The following HRG variants were observed in gnomAD, a reference collection of about 807,000 sequenced individuals.
The protein encoded by HRG is histidine rich glycoprotein, also known as histidine-rich glycoprotein.
A neutral mutation model predicts 29.5 loss-of-function variants in HRG; 26 were observed. The ratio of observed to expected loss-of-function variants is 0.88; its 90% CI spans 0.65 to 1.22. The LOEUF is 1.22. HRG is among the 50% of genes most tolerant of loss of function. The probability of loss-of-function intolerance (pLI) is 0.00; values close to 1 mark genes in which losing one functional copy is unlikely to be tolerated. For synonymous variants in HRG, 243 were observed against 240.4 expected, an observed-to-expected ratio of 1.01 and a Z score of -0.10; for missense variants, 671 against 654.5, an observed-to-expected ratio of 1.03 and a Z score of -0.28.
intron 5 of HRG, 103 bp from the exon 6 acceptor site, chr3:186,674,986 T>C (rs1718920884): frequency 1.3e-6 from 1 of 798,448 alleles, no homozygotes; most frequent in South Asian, 1.3e-5. Context: ...CCCTGATTTT[T>C]CTAAAGCACT....
intron 3 of HRG, among the ~76,000 whole-genome samples, chr3:186,670,728 G>A (rs552701238): frequency 1.3e-5 from 2 of 152,168 alleles, no homozygotes; most frequent in South Asian, 2.1e-4. Flanking sequence ...TGTATTTTTA[G>A]TAGAGATGGA....
At chr3:186,671,179 C>T (rs757732699) in intron 3 of HRG, among the ~76,000 whole-genome samples, 1 of 148,664 alleles carries the variant, frequency 6.7e-6, no homozygotes, top group Non-Finnish European at 1.5e-5. Context: ...TGTGACTCAA[C>T]CCCATCTCTA....
At position 186,677,408 on chromosome 3, in the gene HRG, C is replaced by A; in HGVS notation, c.1103C>A (p.Ala368Glu). 1 of 1,608,976 alleles carries A rather than the reference C, an allele frequency of 6.2e-7. No homozygotes were observed. The highest frequency in any genetic ancestry group is 8.5e-7 in the Non-Finnish European group (1 of 1,177,490). The change falls in exon 7 of 7, where the codon GCA (alanine) becomes GAA (glutamate). Residue 368 changes from alanine to glutamate, a missense_variant. Transcript: ENST00000232003. ...EQHPHGHHPHAHHPHEHDTHR... is the reference protein window; with the variant it reads ...EQHPHGHHPHEHHPHEHDTHR... ...CATCCCCACGGACACCATCCCCATG[C>A]ACACCATCCTCATGAACATGATACC...
chr3:186,673,618 C>G (rs1718878729), intron 5 of HRG: 1 of 152,422 alleles, frequency 6.6e-6, no homozygotes. Flanking sequence ...GCAGTTCGTA[C>G]TAAGACCCTA....
Position 186,677,794 on chromosome 3 carries a change from C to T in HRG, c.1489C>T (p.Pro497Ser), listed in dbSNP as rs1486916359. Residue 497 changes from proline (P) to serine (S), a missense_variant, in exon 7 of 7, where the codon CCT (proline) becomes TCT (serine). By Grantham distance (74) the Pro-to-Ser change is moderately conservative (BLOSUM62 -1). Coordinates refer to ENST00000232003, the MANE Select transcript of HRG (RefSeq NM_000412.5). Reference sequence around the variant, plus strand: ...TCTAAAGCCAGACAATCAGCCCTTTCCTCAATCAGTCTCTGAATCATGTCC... The same window carrying T: ...TCTAAAGCCAGACAATCAGCCCTTTTCTCAATCAGTCTCTGAATCATGTCC... ...HPLKPDNQPF[P>S]QSVSESCPGK... 3.1e-6 allele frequency: 5 copies of T among 1,614,048 alleles called. No homozygotes were observed. Among genetic ancestry groups the T allele is most frequent in the Admixed American group, 1.7e-5 (1 of 60,006 alleles).
At chr3:186,674,148 C>T (rs1253448443) in intron 5 of HRG, 1 of 152,178 alleles carries the variant, frequency 6.6e-6, no homozygotes, top group Admixed American at 6.5e-5. Context: ...AATGTCCACA[C>T]TGAACCAGGT....
chr3:186,678,187 T>C lies in HRG; in HGVS notation c.*304T>C. Reference sequence around the variant, plus strand: ...ACTCTAATTCTAGAGTCTCTGTTACTGCTTGGGCTATACCTGGGCATACTA... The same window carrying C: ...ACTCTAATTCTAGAGTCTCTGTTACCGCTTGGGCTATACCTGGGCATACTA... On this transcript the variant is annotated 3_prime_UTR_variant, in exon 7 of 7. Transcript: ENST00000232003. 1 of 383,028 alleles carries C rather than the reference T, an allele frequency of 2.6e-6. No homozygotes were observed. Among genetic ancestry groups the C allele is most frequent in the Non-Finnish European group, 4.9e-6 (1 of 205,520 alleles). 23.7% of individuals were successfully genotyped at this position (383,028 alleles called of 1,614,324 possible). A position where few individuals can be genotyped will look rare whatever the true frequency, so the allele number is the denominator to read the frequency against.
Position 186,672,843 on chromosome 3 carries a change from A to G in HRG, c.615A>G (p.Arg205=). The G allele has an allele frequency of 1.2e-6, 2 of 1,611,062 alleles. No homozygotes were observed. Among genetic ancestry groups the G allele is most frequent in the Non-Finnish European group, 1.7e-6 (2 of 1,177,284 alleles). The change falls in exon 5 of 7, where the codon AGA becomes AGG. Residue 205 remains arginine (R), a synonymous_variant. Transcript: ENST00000232003. ...ACTTCTCTGTGCGGAACTGCCCCAG[A>G]CACCATTTCCCCAGACACCCCAATG... The part of the protein sequence containing the change: ...FVDFSVRNCP[R]HHFPRHPNVF...
intron 1 of HRG, 101 bp downstream of exon 1, chr3:186,666,315 G>T: frequency 7.9e-7 from 1 of 1,269,992 alleles, no homozygotes; most frequent in Admixed American, 1.8e-5. Flanking sequence ...GAATGGCTTT[G>T]GTCAGAGTTT....
At chr3:186,672,949 G>GAGAGGAAGGAGAAGAAGGAGA (rs1718852898) in intron 5 of HRG, 82 bp downstream of exon 5, 1 of 905,418 alleles carries the variant, frequency 1.1e-6, no homozygotes, top group Non-Finnish European at 1.9e-6. Flanking sequence ...GAAGGAGAAG[G>GAGAGGAAGGAGAAGAAGGAGA]AGAGGAAGGA....
chr3:186,671,506 G>A (rs1384769033), intron 3 of HRG, 117 bp from the exon 4 acceptor site: 16 of 1,050,324 alleles, frequency 1.5e-5, no homozygotes, highest in Non-Finnish European at 2.2e-5. Context: ...CAGTTACTCA[G>A]CTCTTCCCAC....
rs766618968 is a variant in HRG at position 186,675,302 on chromosome 3, T to TGAGAGA, written c.741+113_741+114insAGAGAG. 5.3e-3 allele frequency: 3,026 copies of TGAGAGA among 567,328 alleles called. 1 individual carries two copies. Among genetic ancestry groups the TGAGAGA allele is most frequent in the Middle Eastern group, 0.011 (28 of 2,560 alleles). The allele number at this position is 567,328 out of a possible 1,614,324, so 35.1% of individuals were successfully genotyped here. A position where few individuals can be genotyped will look rare whatever the true frequency, so the allele number is the denominator to read the frequency against. ...ATGAGTGGGTGTGTGTGTGTGTGTG[T>TGAGAGA]GTGTGTGAGAGAGAGAGAGAGAGAG... On this transcript the variant is annotated intron_variant, in intron 6 of 6. Coordinates refer to ENST00000232003, the MANE Select transcript of HRG (RefSeq NM_000412.5).
At position 186,677,418 on chromosome 3, in the gene HRG, T is replaced by C; in HGVS notation, c.1113T>C (p.Pro371=). The stretch of plus-strand genomic sequence containing the variant: ...GACACCATCCCCATGCACACCATCC[T>C]CATGAACATGATACCCATAGACAGC... ...PHGHHPHAHH[P]HEHDTHRQHP... Residue 371 remains proline, a synonymous_variant, in exon 7 of 7, where the codon CCT becomes CCC. Transcript: ENST00000232003. 6.2e-7 allele frequency: 1 copy of C among 1,605,190 alleles called. No individual in the cohort carries two copies. The highest frequency in any genetic ancestry group is 1.3e-5 in the African/African-American group (1 of 74,596).
In HRG at chr3:186,672,623, G is replaced by T. The variant is rs184189660; in HGVS notation, c.559-164G>T. Among the ~76,000 whole-genome samples, 14 of 152,270 alleles carry T rather than the reference G, an allele frequency of 9.2e-5. No individual in the cohort carries two copies. The East Asian group carries it at 2.5e-3, about 27-fold the overall frequency. On this transcript the variant is annotated intron_variant, in intron 4 of 6. Transcript: ENST00000232003. ...GAACTGGTATTCACCTTATCACTTA[G>T]GTGATACATTTTTAAAAGGCAGAAA...
In HRG at chr3:186,672,796, G is replaced by T; in HGVS notation, c.568G>T (p.Glu190Ter). ...IERVARVRGG[E>*]GTGYFVDFSV... ...ATCCCATCTGTTCTAGAGAGGAGGG[G>T]AAGGAACTGGTTACTTCGTGGACTT... The change falls in exon 5 of 7, where the codon GAA becomes TAA. Residue 190 changes from glutamate to a stop codon, truncating the protein, a stop_gained. Transcript: ENST00000232003. LOFTEE classifies it high-confidence loss of function. 1 of 1,609,432 alleles carries T rather than the reference G, an allele frequency of 6.2e-7. No homozygotes were observed. The highest frequency in any genetic ancestry group is 8.5e-7 in the Non-Finnish European group (1 of 1,175,786).
rs2229331 is a variant in HRG, at chr3:186,677,611, G to A, written c.1306G>A (p.Gly436Arg). The A allele has an allele frequency of 5.4e-3, 8,711 of 1,614,060 alleles. 38 individuals carry two copies. Among genetic ancestry groups the A allele is most frequent in the Non-Finnish European group, 6.5e-3 (7,705 of 1,179,994 alleles). ...HCCHGHGPPPGHLRRRGPGKG... is the reference protein window; with the variant it reads ...HCCHGHGPPPRHLRRRGPGKG... ...TTGCCATGGCCACGGCCCACCACCT[G>A]GGCACTTAAGAAGGCGAGGCCCAGG... Residue 436 changes from glycine to arginine, a missense_variant, in exon 7 of 7, where the codon GGG (glycine) becomes AGG (arginine). By Grantham distance (125) the Gly-to-Arg change is moderately radical. Coordinates refer to ENST00000232003, the MANE Select transcript of HRG (RefSeq NM_000412.5).
In HRG at chr3:186,666,146, A is replaced by T. The variant is rs746401858; in HGVS notation, c.115A>T (p.Asn39Tyr). The stretch of plus-strand genomic sequence containing the variant: ...GGCTGAGAAAGCTCTAGACCTGATC[A>T]ATAAAAGGCGACGGGATGGCTACCT... The part of the protein sequence containing the change: ...PEAEKALDLI[N>Y]KRRRDGYLFQ... The change falls in exon 1 of 7, where the codon AAT becomes TAT. Residue 39 changes from asparagine (N) to tyrosine (Y), a missense_variant. Transcript: ENST00000232003. The T allele has an allele frequency of 6.2e-7, 1 of 1,614,216 alleles. No individual in the cohort carries two copies. Among genetic ancestry groups the T allele is most frequent in the Admixed American group, 1.7e-5 (1 of 60,024 alleles).
Position 186,670,019 on chromosome 3 carries a change from A to G in HRG, c.382A>G (p.Thr128Ala). ...CAGAGTGATTGACTTTAACTGCACCACAAGTTCTGGTATGGTAATCTGTTA... is the reference window on the plus strand; with the variant it reads ...CAGAGTGATTGACTTTAACTGCACCGCAAGTTCTGGTATGGTAATCTGTTA... ...DLRVIDFNCT[T>A]SSVSSALANT... Residue 128 changes from threonine to alanine, a missense_variant, in exon 3 of 7, where the codon ACA becomes GCA. Transcript: ENST00000232003. 4 of 1,533,480 alleles carry G rather than the reference A, an allele frequency of 2.6e-6. No individual in the cohort carries two copies. The highest frequency in any genetic ancestry group is 3.6e-6 in the Non-Finnish European group (4 of 1,108,082). The allele number at this position is 1,533,480 out of a possible 1,614,324, so 95.0% of individuals were successfully genotyped here.
At position 186,675,302 on chromosome 3, in the gene HRG, T is replaced by TGACA. The variant is rs766618968; in HGVS notation, c.741+113_741+114insACAG. Reference sequence around the variant, plus strand: ...ATGAGTGGGTGTGTGTGTGTGTGTGTGTGTGTGAGAGAGAGAGAGAGAGAG... The same window carrying TGACA: ...ATGAGTGGGTGTGTGTGTGTGTGTGTGACAGTGTGTGAGAGAGAGAGAGAGAGAG... On this transcript the variant is annotated intron_variant, in intron 6 of 6. Coordinates refer to ENST00000232003, the MANE Select transcript of HRG (RefSeq NM_000412.5). 4.2e-5 allele frequency: 24 copies of TGACA among 574,700 alleles called. 1 individual carries two copies. The East Asian group carries it at 1.0e-3, about 24-fold the overall frequency. 35.6% of individuals were successfully genotyped at this position (574,700 alleles called of 1,614,324 possible).
Sources: gnomAD v4.1 joint callset for allele counts (sites outside exome capture counted in the v4.1 genomes callset) on GRCh38, gnomAD v4.1.1 for gene constraint, MANE v1.5 for transcripts, NCBI Gene and HGNC (gene_info 2026-07-23, HGNC 2026-07-21) for gene names.